Variants in DPH3 observed in about 807,000 individuals in gnomAD.
DPH3 encodes diphthamide biosynthesis protein 3.
In DPH3, 8 loss-of-function variants were observed where a neutral mutation model predicts 10.2. That is an observed-to-expected ratio of 0.79 (90% CI 0.46 to 1.42). The LOEUF is 1.42. Ranked by LOEUF, DPH3 falls within the 40% of genes most tolerant of loss-of-function variation. The pLI, the probability that DPH3 is intolerant of heterozygous loss-of-function variation, is 0.00. For missense variants in DPH3, 96 were observed against 98.9 expected (o/e 0.97, Z 0.12); for synonymous variants, 35 against 35.6 (o/e 0.98, Z 0.06).
rs912890784 is a variant in DPH3, at chr3:16,258,601, G to C, written c.*2163C>G. 5 of 152,100 alleles carry C rather than the reference G, an allele frequency of 3.3e-5. No individual in the cohort carries two copies. Among genetic ancestry groups the C allele is most frequent in the Admixed American group, 2.6e-4 (4 of 15,268 alleles). The allele number at this position is 152,100 out of a possible 1,614,324, so 9.4% of individuals were successfully genotyped here. A position where few individuals can be genotyped will look rare whatever the true frequency, so the allele number is the denominator to read the frequency against. ...TCCTGGGCCCAAGCAATTTGCTCAA[G>C]GCCCCACACCTTGCTAATTAAAAGA... On this transcript the variant is annotated 3_prime_UTR_variant, in exon 3 of 3. Coordinates refer to ENST00000488423, the MANE Select transcript of DPH3 (RefSeq NM_206831.3).
At chr3:16,264,345 G>T in intron 1 of DPH3, 116 bp from the exon 2 acceptor site, 1 of 723,658 alleles carries the variant, frequency 1.4e-6, no homozygotes, top group South Asian at 2.2e-5. Flanking sequence ...CCCCCAAGGT[G>T]GGTGAGAACC....
intron 1 of DPH3, 154 bp from the exon 2 acceptor site, chr3:16,264,383 A>ATG: frequency 1.8e-6 from 1 of 554,404 alleles, no homozygotes; most frequent in Non-Finnish European, 3.2e-6. Flanking sequence ...AAATGCCGAC[A>ATG]TCATTTTCCC....
intron 2 of DPH3, 72 bp downstream of exon 2, chr3:16,264,083 C>G: frequency 9.0e-7 from 1 of 1,112,338 alleles, no homozygotes. Context: ...GCACTCATCA[C>G]TGACAAGCTG....
At chr3:16,264,595 C>A in intron 1 of DPH3, 174 bp downstream of exon 1, 1 of 663,028 alleles carries the variant, frequency 1.5e-6, no homozygotes, top group Non-Finnish European at 2.6e-6. Flanking sequence ...GCGTGCCTAC[C>A]GAGAGAGCTC....
In DPH3 at chr3:16,263,778, C is replaced by A. The variant is rs1463394960; in HGVS notation, c.183+377G>T. 6.6e-6 allele frequency among the ~76,000 whole-genome samples: 1 copy of A among 152,116 alleles called. No homozygotes were observed. The highest frequency in any genetic ancestry group is 1.5e-5 in the Non-Finnish European group (1 of 68,038). ...ATAATGCAGAATTCTGTGTATAAGC[C>A]AGCACGAAATACCATACAATTGTTC... On this transcript the variant is annotated intron_variant, in intron 2 of 2. Coordinates refer to ENST00000488423, the MANE Select transcript of DPH3 (RefSeq NM_206831.3). This position sits in a 1 kb window ranked among gnomAD's most constrained non-coding sequence, Gnocchi z 4.0.
At chr3:16,264,726 T>A in intron 1 of DPH3, 43 bp downstream of exon 1, 1 of 1,593,070 alleles carries the variant, frequency 6.3e-7, no homozygotes, top group African/African-American at 1.3e-5. Context: ...GGAACCAAAC[T>A]GCGCTTGCTT....
Position 16,259,003 on chromosome 3 carries a change from T to C in DPH3, c.*1761A>G, listed in dbSNP as rs1427425896. On this transcript the variant is annotated 3_prime_UTR_variant, in exon 3 of 3. Coordinates refer to ENST00000488423, the MANE Select transcript of DPH3 (RefSeq NM_206831.3). ...TTTTCTTCCTGTTCTTCTATGTTCT[T>C]AGCAAACCCACATCAAGGGTGTCTG... The C allele has an allele frequency of 6.6e-6, 1 of 152,224 alleles. No homozygotes were observed. The allele number at this position is 152,224 out of a possible 1,614,324, so 9.4% of individuals were successfully genotyped here.
rs2064269805 is a variant in DPH3, at chr3:16,258,577, C to T, written c.*2187G>A. The T allele has an allele frequency of 6.6e-6, 1 of 152,392 alleles. No individual in the cohort carries two copies. The highest frequency in any genetic ancestry group is 2.1e-4 in the South Asian group (1 of 4,828). The allele number at this position is 152,392 out of a possible 1,614,324, so 9.4% of individuals were successfully genotyped here. On this transcript the variant is annotated 3_prime_UTR_variant, in exon 3 of 3. Coordinates refer to ENST00000488423, the MANE Select transcript of DPH3 (RefSeq NM_206831.3). ...TCACAGCTCACCACAGCCTCAAACT[C>T]CTGGGCCCAAGCAATTTGCTCAAGG...
rs1366942556 is a variant in DPH3, at chr3:16,257,574, A to G, written c.*3190T>C. 6.6e-6 allele frequency among the ~76,000 whole-genome samples: 1 copy of G among 152,256 alleles called. No individual in the cohort carries two copies. ...CTGTCAAAGAGGTACTATGATCCAG[A>G]TTTCACAAACCAGAATATAATTATT... On this transcript the variant is annotated 3_prime_UTR_variant, in exon 3 of 3. Transcript: ENST00000488423.
intron 1 of DPH3, 149 bp downstream of exon 1, chr3:16,264,620 G>A (rs575811054): frequency 4.0e-6 from 3 of 759,210 alleles, no homozygotes; most frequent in Non-Finnish European, 6.5e-6. Context: ...CATTAGTTGG[G>A]GTGGGGGGAC....
Position 16,260,738 on chromosome 3 carries a change from C to T in DPH3, c.*26G>A, listed in dbSNP as rs374142969. On this transcript the variant is annotated 3_prime_UTR_variant, in exon 3 of 3. Coordinates refer to ENST00000488423, the MANE Select transcript of DPH3 (RefSeq NM_206831.3). ...TCTATCTGGGCTCATTCCAAATGTTCAGGATTTGGATTCCTGAAGGCTTCT... is the reference window on the plus strand; with the variant it reads ...TCTATCTGGGCTCATTCCAAATGTTTAGGATTTGGATTCCTGAAGGCTTCT... 1.3e-5 allele frequency: 21 copies of T among 1,600,508 alleles called. No homozygotes were observed. Among genetic ancestry groups the T allele is most frequent in the Admixed American group, 6.7e-5 (4 of 59,704 alleles).
At chr3:16,264,679 G>A (rs2064367767) in intron 1 of DPH3, 90 bp downstream of exon 1, 3 of 1,271,192 alleles carry the variant, frequency 2.4e-6, no homozygotes, top group Non-Finnish European at 2.2e-6. Flanking sequence ...GGGTGACACA[G>A]CGCAGCAAAG....
At position 16,264,294 on chromosome 3, in the gene DPH3, T is replaced by C. The variant is rs553970390; in HGVS notation, c.109-65A>G. The C allele has an allele frequency of 5.3e-6, 7 of 1,317,704 alleles. No homozygotes were observed. In the East Asian group the frequency reaches 1.8e-4, roughly 33 times the overall value. The allele number at this position is 1,317,704 out of a possible 1,614,324, so 81.6% of individuals were successfully genotyped here. ...TCTTCGCCATCTCCTCCCCCAAACCTATCCCACCCCTAGATGCAAGTCTCT... is the reference window on the plus strand; with the variant it reads ...TCTTCGCCATCTCCTCCCCCAAACCCATCCCACCCCTAGATGCAAGTCTCT... On this transcript the variant is annotated intron_variant, in intron 1 of 2. Coordinates refer to ENST00000488423, the MANE Select transcript of DPH3 (RefSeq NM_206831.3).
rs770194849 is a variant in DPH3, at chr3:16,260,926, GTTAA to G, written c.184-101_184-98del. The G allele has an allele frequency of 8.3e-5, 89 of 1,075,144 alleles. 1 individual carries two copies. Among genetic ancestry groups the G allele is most frequent in the East Asian group, 2.1e-4 (8 of 38,806 alleles). 66.6% of individuals were successfully genotyped at this position (1,075,144 alleles called of 1,614,324 possible). A position where few individuals can be genotyped will look rare whatever the true frequency, so the allele number is the denominator to read the frequency against. ...TTTGTTACAGCATCAATCCAGCGCT[GTTAA>G]TTGTTTTTCATTTGCTATTATCATT... is the stretch of plus-strand genomic sequence containing the variant. On this transcript the variant is annotated intron_variant, in intron 2 of 2. Transcript: ENST00000488423.
rs1310361825 is a variant in DPH3 at position 16,259,066 on chromosome 3, CAT to C, written c.*1696_*1697del. The stretch of plus-strand genomic sequence containing the variant: ...ACTCATCAGCATCAGAAAGAGCTAA[CAT>C]GTTGGCAGTATCTAGAAAACCATCA... On this transcript the variant is annotated 3_prime_UTR_variant, in exon 3 of 3. Transcript: ENST00000488423. 6.6e-6 allele frequency: 1 copy of C among 152,216 alleles called. No homozygotes were observed. The highest frequency in any genetic ancestry group is 1.5e-5 in the Non-Finnish European group (1 of 68,044). The allele number at this position is 152,216 out of a possible 1,614,324, so 9.4% of individuals were successfully genotyped here. A position where few individuals can be genotyped will look rare whatever the true frequency, so the allele number is the denominator to read the frequency against.
chr3:16,261,765 A>G lies in DPH3; in HGVS notation c.184-936T>C, dbSNP rs1469760756. Among the ~76,000 whole-genome samples the G allele has an allele frequency of 6.6e-6, 1 of 152,216 alleles. No individual in the cohort carries two copies. Among genetic ancestry groups the G allele is most frequent in the East Asian group, 1.9e-4 (1 of 5,196 alleles). On this transcript the variant is annotated intron_variant, in intron 2 of 2. Transcript: ENST00000488423. The surrounding 1 kb of genome is among the most constrained non-coding windows in gnomAD (Gnocchi z 7.1). ...CATCTAGTGGAGGCTCTGTGTTCTC[A>G]GAGTCCTAGTACCAGAGGGATTGGA...
rs189264289 is a variant in DPH3, at chr3:16,258,440, G to A, written c.*2324C>T. 6.6e-6 allele frequency: 1 copy of A among 152,282 alleles called. No individual in the cohort carries two copies. The highest frequency in any genetic ancestry group is 1.9e-4 in the East Asian group (1 of 5,186). 9.4% of individuals were successfully genotyped at this position (152,282 alleles called of 1,614,324 possible). ...ATGTCTTGAGCTAAATAAGGCACAC[G>A]TATCACACAGAACTTTAGTCGTATC... On this transcript the variant is annotated 3_prime_UTR_variant, in exon 3 of 3. Coordinates refer to ENST00000488423, the MANE Select transcript of DPH3 (RefSeq NM_206831.3).
In DPH3 at chr3:16,263,872, A is replaced by G. The variant is rs2064335852; in HGVS notation, c.183+283T>C. 6.6e-6 allele frequency among the ~76,000 whole-genome samples: 1 copy of G among 152,260 alleles called. No homozygotes were observed. Among genetic ancestry groups the G allele is most frequent in the African/African-American group, 2.4e-5 (1 of 41,466 alleles). On this transcript the variant is annotated intron_variant, in intron 2 of 2. Coordinates refer to ENST00000488423, the MANE Select transcript of DPH3 (RefSeq NM_206831.3). This position sits in a 1 kb window ranked among gnomAD's most constrained non-coding sequence, Gnocchi z 4.0. ...ATTAAATAGAAGAGAAATATAAAAA[A>G]TTGTCCACTAAAATAATCTATATAC...
In DPH3 at chr3:16,257,208, C is replaced by A. The variant is rs1349739947; in HGVS notation, c.*3556G>T. On this transcript the variant is annotated 3_prime_UTR_variant, in exon 3 of 3. Coordinates refer to ENST00000488423, the MANE Select transcript of DPH3 (RefSeq NM_206831.3). Reference sequence around the variant, plus strand: ...TTAACCATTTTTTGCACATGACAGGCATTAGCTGTCATGTTTTATAGATAC... The same window carrying A: ...TTAACCATTTTTTGCACATGACAGGAATTAGCTGTCATGTTTTATAGATAC... Among the ~76,000 whole-genome samples, 1 of 152,196 alleles carries A rather than the reference C, an allele frequency of 6.6e-6. No individual in the cohort carries two copies. The highest frequency in any genetic ancestry group is 1.5e-5 in the Non-Finnish European group (1 of 68,038).
Sources: gnomAD v4.1 joint callset for allele counts (sites outside exome capture counted in the v4.1 genomes callset) on GRCh38, gnomAD v4.1.1 for gene constraint, Gnocchi (gnomAD v3.1) non-coding constraint, MANE v1.5 for transcripts, NCBI Gene and HGNC (gene_info 2026-07-23, HGNC 2026-07-21) for gene names.